Variants in GRK3 observed in about 807,000 individuals in gnomAD.
GRK3 encodes the protein adrenergic, beta, receptor kinase 2.
A neutral mutation model predicts 95.7 loss-of-function variants in GRK3; 54 were observed. The observed-to-expected ratio is 0.56, with a 90% CI of 0.45 to 0.71. The LOEUF is 0.71. Among genes scored for constraint, GRK3 ranks in the 30% least tolerant of loss-of-function variants. The pLI is 0.00. For synonymous variants in GRK3, 281 were observed against 290.8 expected (o/e 0.97, Z 0.34); for missense variants, 649 against 851.2 (o/e 0.76, Z 2.96).
At chr22:25,718,417 A>G in intron 19 of GRK3, 36 bp downstream of exon 19, 2 of 1,607,128 alleles carry the variant, frequency 1.2e-6, no homozygotes, top group Non-Finnish European at 1.7e-6. Context: ...CATGTTTCCC[A>G]GTACGTACAA....
chr22:25,687,122 GT>G (rs538024155), intron 10 of GRK3, among the ~76,000 whole-genome samples: 25,222 of 147,056 alleles, frequency 0.17, 4,951 homozygotes, highest in African/African-American at 0.48. Context: ...GCCCAGCCTA[GT>G]TTTTTTTTTT....
In GRK3 at chr22:25,725,235, TA is replaced by T. The variant is rs2085464714; in HGVS notation, c.*2786del. ...CTATTAAAAAGGTCAAAATTCAGCCTATTTTTTTTCATTATTTTAGATTCCT... is the reference window on the plus strand; with the variant it reads ...CTATTAAAAAGGTCAAAATTCAGCCTTTTTTTTTCATTATTTTAGATTCCT... On this transcript the variant is annotated 3_prime_UTR_variant, in exon 21 of 21. Coordinates refer to ENST00000324198, the MANE Select transcript of GRK3 (RefSeq NM_005160.4). 2 of 240,312 alleles carry T rather than the reference TA, an allele frequency of 8.3e-6. No individual in the cohort carries two copies. The highest frequency in any genetic ancestry group is 1.6e-5 in the Non-Finnish European group (2 of 126,754). The allele number at this position is 240,312 out of a possible 1,614,324, so 14.9% of individuals were successfully genotyped here.
At chr22:25,672,259 T>C (rs2084989078) in intron 6 of GRK3, 37 bp from the exon 7 acceptor site, 1 of 999,802 alleles carries the variant, frequency 1.0e-6, no homozygotes, top group East Asian at 2.6e-5. Context: ...GTTAATTTGA[T>C]ATTTAACTTT....
intron 9 of GRK3, among the ~76,000 whole-genome samples, chr22:25,679,676 G>A (rs2085059959): frequency 6.6e-6 from 1 of 152,174 alleles, no homozygotes; most frequent in Non-Finnish European, 1.5e-5. Flanking sequence ...CTGTTACAGC[G>A]TGTGTGCACT....
intron 3 of GRK3, among the ~76,000 whole-genome samples, chr22:25,650,263 G>A (rs541787051): frequency 2.2e-4 from 33 of 152,212 alleles, no homozygotes; most frequent in African/African-American, 7.0e-4. Context: ...GTCTGGTTTC[G>A]AACTCCTGAC....
chr22:25,706,682 C>T (rs968836577), intron 15 of GRK3, among the ~76,000 whole-genome samples: 24 of 152,194 alleles, frequency 1.6e-4, no homozygotes, highest in Middle Eastern at 6.8e-3. Flanking sequence ...AGGTGTGCAC[C>T]ACCACGCCCA....
At chr22:25,700,970 T>G (rs1442754636) in intron 13 of GRK3, among the ~76,000 whole-genome samples, 1 of 152,218 alleles carries the variant, frequency 6.6e-6, no homozygotes, top group Non-Finnish European at 1.5e-5. Flanking sequence ...ATGAAAATGA[T>G]GTAGAGCTAA....
At chr22:25,714,671 C>G (rs1433953112) in intron 18 of GRK3, 101 bp downstream of exon 18, 1 of 1,163,192 alleles carries the variant, frequency 8.6e-7, no homozygotes, top group East Asian at 2.6e-5. Flanking sequence ...ATTTTGCAGT[C>G]GAGAAGAAAG....
At position 25,693,774 on chromosome 22, in the gene GRK3, CT is replaced by C. The variant is rs542086916; in HGVS notation, c.1053-1311del. Among the ~76,000 whole-genome samples the C allele has an allele frequency of 3.4e-3, 384 of 112,852 alleles. 1 individual carries two copies. Among genetic ancestry groups the C allele is most frequent in the East Asian group, 0.012 (47 of 3,882 alleles). The allele number at this position is 112,852 out of a possible 152,430, so 74.0% of individuals were successfully genotyped here. A position where few individuals can be genotyped will look rare whatever the true frequency, so the allele number is the denominator to read the frequency against. On this transcript the variant is annotated intron_variant, in intron 12 of 20. Transcript: ENST00000324198. Reference sequence around the variant, plus strand: ...GCTGAGCATAAGCAAGTTAAAAATTCTTTTTTTTTTTTTTTTTTTTTTGAGA... The same window carrying C: ...GCTGAGCATAAGCAAGTTAAAAATTCTTTTTTTTTTTTTTTTTTTTTGAGA...
Position 25,661,610 on chromosome 22 carries a change from A to C in GRK3, c.299A>C (p.Asp100Ala). The change falls in exon 4 of 21, where the codon GAC becomes GCC. Residue 100 changes from aspartate (D) to alanine (A), a missense_variant. Coordinates refer to ENST00000324198, the MANE Select transcript of GRK3 (RefSeq NM_005160.4). ...KEYEKLDNEE[D>A]RLCRSRQIYD... The stretch of plus-strand genomic sequence containing the variant: ...TATGAAAAACTTGATAATGAGGAAG[A>C]CCGCCTTTGCAGAAGTCGACAAATT... 1.1e-5 allele frequency: 18 copies of C among 1,613,230 alleles called. No individual in the cohort carries two copies. Among genetic ancestry groups the C allele is most frequent in the Non-Finnish European group, 1.4e-5 (17 of 1,179,474 alleles).
chr22:25,689,097 A>G (rs1444193406), intron 11 of GRK3, among the ~76,000 whole-genome samples: 2 of 151,556 alleles, frequency 1.3e-5, no homozygotes, highest in African/African-American at 2.4e-5. Context: ...TTTTTACAAA[A>G]TACTTTGTGA....
At chr22:25,678,359 A>G (rs147009433) in intron 8 of GRK3, among the ~76,000 whole-genome samples, 2,395 of 152,228 alleles carry the variant, frequency 0.016, 30 homozygotes, top group Middle Eastern at 0.065. Context: ...GAAGGCTGAG[A>G]CAGGAGAATG....
At chr22:25,676,022 A>G (rs989569641) in intron 8 of GRK3, among the ~76,000 whole-genome samples, 3 of 152,224 alleles carry the variant, frequency 2.0e-5, no homozygotes, top group Non-Finnish European at 2.9e-5. Flanking sequence ...CTCCTGGTCT[A>G]TAAAGTAGGA....
At chr22:25,704,309 C>T (rs893729777) in intron 15 of GRK3, 100 bp downstream of exon 15, 1 of 802,614 alleles carries the variant, frequency 1.2e-6, no homozygotes, top group Non-Finnish European at 2.0e-6. Flanking sequence ...TTAAAATCTT[C>T]CATTTTGACT....
intron 3 of GRK3, chr22:25,649,071 A>G: frequency 4.0e-6 from 6 of 1,517,852 alleles, no homozygotes; most frequent in Non-Finnish European, 5.5e-6. Context: ...GCGAGGATAC[A>G]GGATGCCTTG....
At chr22:25,688,110 C>T (rs2085134949) in intron 11 of GRK3, among the ~76,000 whole-genome samples, 1 of 152,020 alleles carries the variant, frequency 6.6e-6, no homozygotes, top group Admixed American at 6.5e-5. Flanking sequence ...GTGGCAGGTG[C>T]CTGTAGTCCC....
At chr22:25,699,041 A>C (rs1601535392) in intron 13 of GRK3, among the ~76,000 whole-genome samples, 1 of 152,208 alleles carries the variant, frequency 6.6e-6, no homozygotes. Context: ...AGTGGTTCAC[A>C]TGAAACTGAA....
In GRK3 at chr22:25,690,348, T is replaced by C. The variant is rs1373122005; in HGVS notation, c.1052+65T>C. ...CCTGCCCTTTCAAAGGCGTGGCCATTTGTCACCCCATTTCTCTTACCAGTG... is the reference window on the plus strand; with the variant it reads ...CCTGCCCTTTCAAAGGCGTGGCCATCTGTCACCCCATTTCTCTTACCAGTG... On this transcript the variant is annotated intron_variant, in intron 12 of 20. Transcript: ENST00000324198. 6.9e-6 allele frequency: 8 copies of C among 1,165,326 alleles called. No individual in the cohort carries two copies. The Admixed American group carries it at 1.2e-4, about 18-fold the overall frequency. The allele number at this position is 1,165,326 out of a possible 1,614,324, so 72.2% of individuals were successfully genotyped here.
At position 25,699,633 on chromosome 22, in the gene GRK3, C is replaced by T. The variant is rs2085240443; in HGVS notation, c.1161-3877C>T. ...GCCCCTCCCTCCTCCCACAGCTGTG[C>T]AGTGAGGTGGAATCAATGGCCACCA... On this transcript the variant is annotated intron_variant, in intron 13 of 20. Coordinates refer to ENST00000324198, the MANE Select transcript of GRK3 (RefSeq NM_005160.4). Among the ~76,000 whole-genome samples the T allele has an allele frequency of 2.0e-5, 3 of 152,014 alleles. No individual in the cohort carries two copies. In the South Asian group the frequency reaches 6.2e-4, roughly 32 times the overall value.
Sources: allele counts gnomAD v4.1 joint callset (sites outside exome capture counted in the v4.1 genomes callset), GRCh38; gene constraint gnomAD v4.1.1; transcripts MANE v1.5; gene names NCBI Gene and HGNC (gene_info 2026-07-23, HGNC 2026-07-21).